The following NCAM2 variants were observed in gnomAD, a reference collection of about 807,000 sequenced individuals.
NCAM2 encodes neural cell adhesion molecule 2, also known as N-CAM-2.
A neutral mutation model predicts 98.1 loss-of-function variants in NCAM2; 30 were observed. The observed-to-expected ratio is 0.31, with a 90% CI of 0.23 to 0.41. The LOEUF (loss-of-function observed/expected upper bound fraction) is 0.41, where lower values mean the gene tolerates loss of function less well. NCAM2 is among the 10% of genes least tolerant of loss of function. The pLI is 1.00. For missense variants in NCAM2, 867 were observed against 1,005.8 expected (o/e 0.86, Z 1.87); for synonymous variants, 368 against 342.4 (o/e 1.07, Z -0.83).
At chr21:21,365,618 G>C (rs2075766597) in intron 8 of NCAM2, among the ~76,000 whole-genome samples, 1 of 151,946 alleles carries the variant, frequency 6.6e-6, no homozygotes, top group Non-Finnish European at 1.5e-5. Flanking sequence ...ATACATGATG[G>C]TAGTAGGCGA....
At chr21:21,344,456 C>A (rs770926087) in intron 8 of NCAM2, among the ~76,000 whole-genome samples, 2 of 152,036 alleles carry the variant, frequency 1.3e-5, no homozygotes, top group Non-Finnish European at 2.9e-5. Context: ...CTTAAGAGCA[C>A]CTCAGCCTCA....
chr21:21,308,979 A>G (rs1178468995), intron 5 of NCAM2, among the ~76,000 whole-genome samples: 1 of 152,142 alleles, frequency 6.6e-6, no homozygotes, highest in Non-Finnish European at 1.5e-5. Flanking sequence ...AGCTTTTAAT[A>G]TGTAGACACA....
intron 12 of NCAM2, among the ~76,000 whole-genome samples, chr21:21,435,908 AG>A (rs745330493): frequency 1.3e-5 from 2 of 152,014 alleles, no homozygotes; most frequent in Non-Finnish European, 2.9e-5. Flanking sequence ...TTTGTATAGC[AG>A]GCATGAATGT....
At chr21:21,275,048 T>C (rs1428836874) in intron 1 of NCAM2, among the ~76,000 whole-genome samples, 1 of 152,164 alleles carries the variant, frequency 6.6e-6, no homozygotes, top group Non-Finnish European at 1.5e-5. Flanking sequence ...TTGCTCTGGG[T>C]GCTTACTTAT....
chr21:21,350,931 CA>C (rs113203468), intron 8 of NCAM2, among the ~76,000 whole-genome samples: 1,997 of 44,146 alleles, frequency 0.045, 51 homozygotes, highest in African/African-American at 0.13. Context: ...AGTAAAAATA[CA>C]AAAAAAAAAA....
chr21:21,058,838 A>G (rs1031437908), intron 1 of NCAM2, among the ~76,000 whole-genome samples: 5 of 151,916 alleles, frequency 3.3e-5, no homozygotes, highest in African/African-American at 1.2e-4. Context: ...TCTTCATTGT[A>G]TTTCTTACTA....
chr21:21,391,887 G>A (rs1006457283), intron 9 of NCAM2, among the ~76,000 whole-genome samples: 1 of 152,024 alleles, frequency 6.6e-6, no homozygotes, highest in Non-Finnish European at 1.5e-5. Flanking sequence ...ATTTTGCTAA[G>A]ATTGTAAGAG....
intron 10 of NCAM2, among the ~76,000 whole-genome samples, chr21:21,414,501 CGCTCTGTCGCCCAGGCTGGAGTGCAATG>C (rs2076949585): frequency 7.2e-6 from 1 of 139,362 alleles, no homozygotes; most frequent in South Asian, 2.2e-4. Context: ...GAGGGAGTCT[CGCTCTGTCGCCCAGGCTGGAGTGCAATG>C]GCACGATCTC....
At chr21:21,278,236 C>T (rs2072802719) in intron 1 of NCAM2, among the ~76,000 whole-genome samples, 1 of 151,922 alleles carries the variant, frequency 6.6e-6, no homozygotes, top group Non-Finnish European at 1.5e-5. Flanking sequence ...CAAGTCTTCT[C>T]AATTTATAAA....
chr21:21,294,848 T>A (rs559476513), intron 5 of NCAM2, among the ~76,000 whole-genome samples: 1 of 151,784 alleles, frequency 6.6e-6, no homozygotes, highest in Non-Finnish European at 1.5e-5. Context: ...ATTATGCCTC[T>A]TTTATAAAAC....
chr21:21,432,970 T>G (rs1362674068), intron 12 of NCAM2, among the ~76,000 whole-genome samples: 1 of 152,188 alleles, frequency 6.6e-6, no homozygotes. Context: ...AAATTAATGT[T>G]CCATAGGTCT....
At chr21:21,237,283 T>G in intron 1 of NCAM2, among the ~76,000 whole-genome samples, 1 of 152,156 alleles carries the variant, frequency 6.6e-6, no homozygotes, top group East Asian at 1.9e-4. Context: ...TTTCAATTTT[T>G]TTAAGGTTCC....
chr21:21,423,607 G>A (rs547918502), intron 11 of NCAM2, among the ~76,000 whole-genome samples: 1 of 152,088 alleles, frequency 6.6e-6, no homozygotes, highest in East Asian at 1.9e-4. Flanking sequence ...TTAGGAGCTT[G>A]TACTACCAAT....
At chr21:21,490,595 G>C (rs1986767983) in intron 15 of NCAM2, among the ~76,000 whole-genome samples, 1 of 151,686 alleles carries the variant, frequency 6.6e-6, no homozygotes, top group South Asian at 2.1e-4. Flanking sequence ...GTACTGAATA[G>C]GGGCTACGAC....
At chr21:21,243,867 T>G (rs2071164682) in intron 1 of NCAM2, among the ~76,000 whole-genome samples, 1 of 152,194 alleles carries the variant, frequency 6.6e-6, no homozygotes, top group African/African-American at 2.4e-5. Context: ...AGAGTTGATC[T>G]TTAACATAAT....
intron 5 of NCAM2, among the ~76,000 whole-genome samples, chr21:21,298,867 A>G (rs1167843744): frequency 2.0e-5 from 3 of 151,412 alleles, no homozygotes; most frequent in Non-Finnish European, 4.4e-5. Context: ...ATATGGCAGA[A>G]TTTTCTCATT....
At chr21:21,225,149 A>T (rs1382308545) in intron 1 of NCAM2, among the ~76,000 whole-genome samples, 2 of 152,108 alleles carry the variant, frequency 1.3e-5, no homozygotes, top group Non-Finnish European at 2.9e-5. Context: ...CAGCAAACTA[A>T]CACAGGAACT....
intron 1 of NCAM2, among the ~76,000 whole-genome samples, chr21:21,051,729 A>T (rs1161380776): frequency 6.6e-6 from 1 of 152,170 alleles, no homozygotes; most frequent in African/African-American, 2.4e-5. Context: ...CTGGTTTACA[A>T]CCTCTGTTGC....
intron 1 of NCAM2, among the ~76,000 whole-genome samples, chr21:21,091,598 G>A (rs976956553): frequency 6.6e-6 from 1 of 152,106 alleles, no homozygotes; most frequent in Non-Finnish European, 1.5e-5. Flanking sequence ...AGAAGGCAAG[G>A]AGGAGCAAGG....
Sources: gnomAD v4.1 joint callset for allele counts (sites outside exome capture counted in the v4.1 genomes callset) on GRCh38, gnomAD v4.1.1 for gene constraint, MANE v1.5 for transcripts, NCBI Gene and HGNC (gene_info 2026-07-23, HGNC 2026-07-21) for gene names.